Variants in VSNL1 observed in about 807,000 individuals in gnomAD.
VSNL1 encodes the protein visinin like 1.
In VSNL1, 6 loss-of-function variants were observed where a neutral mutation model predicts 20.4. The ratio of observed to expected loss-of-function variants is 0.29; its 90% confidence interval spans 0.16 to 0.58. The LOEUF (loss-of-function observed/expected upper bound fraction) is 0.58. VSNL1 is among the 20% of genes least tolerant of loss of function. The probability of loss-of-function intolerance (pLI) is 0.90; values close to 1 mark genes in which losing one functional copy is unlikely to be tolerated. For synonymous variants in VSNL1, 93 were observed against 86.4 expected (o/e 1.08, Z -0.42); for missense variants, 100 against 234.5 (o/e 0.43, Z 3.75).
chr2:17,581,919 C>A (rs1441412505), intron 1 of VSNL1, among the ~76,000 whole-genome samples: 1 of 152,160 alleles, frequency 6.6e-6, no homozygotes, highest in Non-Finnish European at 1.5e-5. Context: ...CTTGAGGAAC[C>A]CCCATCTGTG....
At chr2:17,613,883 C>A (rs953102439) in intron 2 of VSNL1, among the ~76,000 whole-genome samples, 5 of 152,174 alleles carry the variant, frequency 3.3e-5, no homozygotes, top group Admixed American at 3.3e-4. Context: ...AGCAATCAGA[C>A]AGATCTTGCT....
chr2:17,592,358 C>A, intron 2 of VSNL1, 122 bp downstream of exon 2: 1 of 1,063,006 alleles, frequency 9.4e-7, no homozygotes, highest in Non-Finnish European at 1.4e-6. Context: ...TGGCTGTTTT[C>A]CATCCAGAAA....
intron 1 of VSNL1, among the ~76,000 whole-genome samples, chr2:17,552,541 A>G (rs1269325650): frequency 6.6e-6 from 1 of 152,202 alleles, no homozygotes; most frequent in Non-Finnish European, 1.5e-5. Context: ...AATGTTAATC[A>G]GTATTAAGTC....
intron 2 of VSNL1, among the ~76,000 whole-genome samples, chr2:17,632,007 C>T (rs1336645269): frequency 1.3e-5 from 2 of 152,132 alleles, no homozygotes; most frequent in Admixed American, 1.3e-4. Context: ...CTTCCTCAGC[C>T]TCCCACGTAG....
At chr2:17,608,242 T>C (rs1665000776) in intron 2 of VSNL1, among the ~76,000 whole-genome samples, 1 of 152,260 alleles carries the variant, frequency 6.6e-6, no homozygotes, top group Non-Finnish European at 1.5e-5. Context: ...TGAAAATAGA[T>C]AGCTGTGTCT....
chr2:17,574,865 C>T (rs1196486744), intron 1 of VSNL1, among the ~76,000 whole-genome samples: 2 of 152,198 alleles, frequency 1.3e-5, no homozygotes, highest in Non-Finnish European at 2.9e-5. Flanking sequence ...CTCCTGGGCT[C>T]AAGCAATCCT....
intron 1 of VSNL1, among the ~76,000 whole-genome samples, chr2:17,582,968 C>A (rs1356008461): frequency 6.6e-6 from 1 of 152,088 alleles, no homozygotes; most frequent in Non-Finnish European, 1.5e-5. Flanking sequence ...GAACATTTTA[C>A]TTCTATAAAG....
intron 1 of VSNL1, among the ~76,000 whole-genome samples, chr2:17,555,896 G>C (rs1277678310): frequency 1.3e-5 from 2 of 152,038 alleles, no homozygotes; most frequent in African/African-American, 4.8e-5. Context: ...GCCAGAAATT[G>C]AATTTAGCCC....
At chr2:17,621,312 C>CCTTTTCTTTTCT (rs201337005) in intron 2 of VSNL1, among the ~76,000 whole-genome samples, 7,781 of 143,928 alleles carry the variant, frequency 0.054, 244 homozygotes, top group East Asian at 0.089. Flanking sequence ...CTTTCTTTCT[C>CCTTTTCTTTTCT]CTTTTCTTTT....
intron 1 of VSNL1, among the ~76,000 whole-genome samples, chr2:17,578,706 T>C (rs988180063): frequency 3.9e-5 from 6 of 152,190 alleles, no homozygotes; most frequent in African/African-American, 1.4e-4. Flanking sequence ...CTAATTTTAG[T>C]CCCCCTAGCC....
intron 1 of VSNL1, among the ~76,000 whole-genome samples, chr2:17,553,250 T>C (rs1193652231): frequency 6.6e-6 from 1 of 152,242 alleles, no homozygotes; most frequent in Non-Finnish European, 1.5e-5. Flanking sequence ...AAGTAGCTAA[T>C]GTCTAATGGC....
intron 1 of VSNL1, among the ~76,000 whole-genome samples, chr2:17,554,376 T>C (rs1663623082): frequency 6.6e-6 from 1 of 152,186 alleles, no homozygotes; most frequent in African/African-American, 2.4e-5. Context: ...AGTCATTTAT[T>C]TGAATTTGTT....
intron 2 of VSNL1, among the ~76,000 whole-genome samples, chr2:17,629,363 A>G (rs192848069): frequency 2.0e-5 from 3 of 152,238 alleles, no homozygotes; most frequent in Non-Finnish European, 4.4e-5. Context: ...AGAAGCTTCT[A>G]TGAAGCAACT....
chr2:17,581,896 A>G (rs1003535175), intron 1 of VSNL1, among the ~76,000 whole-genome samples: 1 of 152,214 alleles, frequency 6.6e-6, no homozygotes, highest in Non-Finnish European at 1.5e-5. Context: ...GGTGAAGTGG[A>G]CAATCACCCA....
intron 1 of VSNL1, among the ~76,000 whole-genome samples, chr2:17,545,040 A>C (rs1274855866): frequency 6.6e-6 from 1 of 152,140 alleles, no homozygotes; most frequent in African/African-American, 2.4e-5. Context: ...TACAATATGA[A>C]TTCGTTGTCT....
At chr2:17,609,819 G>A (rs1381186272) in intron 2 of VSNL1, among the ~76,000 whole-genome samples, 2 of 152,158 alleles carry the variant, frequency 1.3e-5, no homozygotes, top group African/African-American at 4.8e-5. Flanking sequence ...AGGTGATGGG[G>A]TTCATTTTGA....
chr2:17,541,806 T>A (rs1181135063), intron 1 of VSNL1: 1 of 152,032 alleles, frequency 6.6e-6, no homozygotes, highest in Non-Finnish European at 1.5e-5. Flanking sequence ...CGGGTGGAAA[T>A]CAGAATGATG....
intron 2 of VSNL1, among the ~76,000 whole-genome samples, chr2:17,624,974 A>T (rs1280443791): frequency 6.6e-6 from 1 of 152,212 alleles, no homozygotes; most frequent in Non-Finnish European, 1.5e-5. Flanking sequence ...CACATCTTGA[A>T]TTATACTCCC....
At position 17,649,341 on chromosome 2, in the gene VSNL1, T is replaced by C. The variant is rs1666073301; in HGVS notation, c.163-69T>C. 2 of 1,496,788 alleles carry C rather than the reference T, an allele frequency of 1.3e-6. No homozygotes were observed. The highest frequency in any genetic ancestry group is 2.8e-5 in the African/African-American group (2 of 72,362). 92.7% of individuals were successfully genotyped at this position (1,496,788 alleles called of 1,614,324 possible). A position where few individuals can be genotyped will look rare whatever the true frequency, so the allele number is the denominator to read the frequency against. On this transcript the variant is annotated intron_variant, in intron 2 of 3. Transcript: ENST00000295156. The surrounding 1 kb of genome is among the most constrained non-coding windows in gnomAD (Gnocchi z 6.4). ...CCAGGAGCACCTGTGATGCCGTCAT[T>C]AGGAACCTACCTCGTCGCCCCGATT...
Sources: allele counts gnomAD v4.1 joint callset (sites outside exome capture counted in the v4.1 genomes callset), GRCh38; gene constraint gnomAD v4.1.1; non-coding constraint Gnocchi (gnomAD v3.1); transcripts MANE v1.5; gene names NCBI Gene and HGNC (gene_info 2026-07-23, HGNC 2026-07-21).